The following TTLL1 variants were observed in gnomAD, a reference collection of about 807,000 sequenced individuals.
The protein encoded by TTLL1 is TTL family tubulin polyglutamylase complex subunit L1.
A neutral mutation model predicts 47.8 loss-of-function variants in TTLL1; 33 were observed. That is an observed-to-expected ratio of 0.69 (90% CI 0.52 to 0.92). The LOEUF (loss-of-function observed/expected upper bound fraction) is 0.92, where lower values mean the gene tolerates loss of function less well. TTLL1 is among the 40% of genes least tolerant of loss of function. The pLI, the probability that TTLL1 is intolerant of heterozygous loss-of-function variation, is 0.00. For synonymous variants in TTLL1, 225 were observed against 214.1 expected, an observed-to-expected ratio of 1.05 and a Z score of -0.45; for missense variants, 488 against 547.5, an observed-to-expected ratio of 0.89 and a Z score of 1.08.
rs149995451 is a variant in TTLL1, at chr22:43,065,022, G to A, written c.504-698C>T. ...TAGCCAGGCATGGGGGCGGGTGCCT[G>A]TAATTCCAGCTACTCCAGAGGCTGA... On this transcript the variant is annotated intron_variant, in intron 5 of 10. Coordinates refer to ENST00000266254, the MANE Select transcript of TTLL1 (RefSeq NM_012263.5). 9.4e-4 allele frequency among the ~76,000 whole-genome samples: 143 copies of A among 152,040 alleles called. 1 individual carries two copies. Among genetic ancestry groups the A allele is most frequent in the African/African-American group, 3.4e-3 (140 of 41,510 alleles).
chr22:43,069,043 T>C (rs949353321), intron 4 of TTLL1, among the ~76,000 whole-genome samples: 3 of 151,760 alleles, frequency 2.0e-5, no homozygotes, highest in Non-Finnish European at 4.4e-5. Flanking sequence ...CAAGAAGTAT[T>C]TCCCCAGGCT....
At chr22:43,068,204 C>G (rs1368836819) in intron 5 of TTLL1, among the ~76,000 whole-genome samples, 1 of 151,574 alleles carries the variant, frequency 6.6e-6, no homozygotes, top group Admixed American at 6.6e-5. Context: ...GTAATCCCAA[C>G]TACTCGGGAG....
chr22:43,081,689 A>G (rs1465222070), intron 1 of TTLL1, among the ~76,000 whole-genome samples: 1 of 151,164 alleles, frequency 6.6e-6, no homozygotes, highest in South Asian at 2.1e-4. Flanking sequence ...CTGGGACTAC[A>G]GGCGCCTGCC....
At chr22:43,040,500 C>T (rs752765461) in intron 10 of TTLL1, among the ~76,000 whole-genome samples, 6 of 152,132 alleles carry the variant, frequency 3.9e-5, no homozygotes, top group Non-Finnish European at 7.4e-5. Context: ...GGCTGGTATA[C>T]AGTGGCGCAA....
chr22:43,061,497 A>C (rs914000991), intron 7 of TTLL1, among the ~76,000 whole-genome samples: 1 of 152,254 alleles, frequency 6.6e-6, no homozygotes, highest in Admixed American at 6.5e-5. Context: ...TCAGAAATGC[A>C]TATTTCATAC....
intron 3 of TTLL1, 131 bp downstream of exon 3, chr22:43,075,343 A>G (rs1285860591): frequency 5.2e-6 from 4 of 772,884 alleles, no homozygotes; most frequent in Non-Finnish European, 8.8e-6. Flanking sequence ...CCTTAAGGAA[A>G]AATGTGTGCG....
intron 1 of TTLL1, among the ~76,000 whole-genome samples, chr22:43,087,615 A>G (rs1929311032): frequency 6.6e-6 from 1 of 151,682 alleles, no homozygotes; most frequent in East Asian, 1.9e-4. Context: ...AGGTGGGTAG[A>G]TCACCTGAGG....
intron 3 of TTLL1, among the ~76,000 whole-genome samples, chr22:43,070,500 C>T (rs1438154705): frequency 6.6e-6 from 1 of 152,176 alleles, no homozygotes; most frequent in Non-Finnish European, 1.5e-5. Context: ...TGGCCCCAGC[C>T]TCTTGCACTG....
chr22:43,051,597 C>T (rs576099240), intron 9 of TTLL1, among the ~76,000 whole-genome samples: 4 of 152,020 alleles, frequency 2.6e-5, no homozygotes, highest in Non-Finnish European at 5.9e-5. Flanking sequence ...AGCTCCCTGT[C>T]GTGGGCTGGG....
chr22:43,081,056 C>T (rs907542890), intron 1 of TTLL1, among the ~76,000 whole-genome samples: 1 of 151,590 alleles, frequency 6.6e-6, no homozygotes, highest in African/African-American at 2.4e-5. Flanking sequence ...GCTGGGATTA[C>T]AGGAGCCCAT....
chr22:43,062,567 C>T (rs946406347), intron 7 of TTLL1, among the ~76,000 whole-genome samples: 5 of 151,746 alleles, frequency 3.3e-5, no homozygotes, highest in African/African-American at 1.2e-4. Flanking sequence ...CAGTGGCACA[C>T]GCCTGTAATC....
intron 10 of TTLL1, among the ~76,000 whole-genome samples, chr22:43,041,676 G>A (rs533601471): frequency 4.0e-5 from 6 of 151,300 alleles, no homozygotes; most frequent in Non-Finnish European, 8.8e-5. Flanking sequence ...CACCACGCCC[G>A]GCTAACTTTT....
chr22:43,059,582 C>T (rs542191119), intron 7 of TTLL1, 55 bp from the exon 8 acceptor site: 5 of 1,551,308 alleles, frequency 3.2e-6, no homozygotes, highest in Non-Finnish European at 4.4e-6. Flanking sequence ...CAGAGGAACC[C>T]AGCGGAACCG....
intron 2 of TTLL1, among the ~76,000 whole-genome samples, chr22:43,078,631 T>C (rs1009494255): frequency 1.3e-5 from 2 of 152,028 alleles, no homozygotes; most frequent in Non-Finnish European, 2.9e-5. Context: ...AGCCCATCAC[T>C]TCCCTCTGTG....
chr22:43,066,248 G>A (rs1452651654), intron 5 of TTLL1, among the ~76,000 whole-genome samples: 3 of 151,972 alleles, frequency 2.0e-5, no homozygotes, highest in East Asian at 1.9e-4. Context: ...CTGGCAACAC[G>A]CTCCCGGCCT....
intron 9 of TTLL1, among the ~76,000 whole-genome samples, chr22:43,051,390 C>T (rs556404999): frequency 4.6e-5 from 7 of 152,324 alleles, no homozygotes; most frequent in African/African-American, 1.7e-4. Flanking sequence ...AGAGCAGGGG[C>T]GTTCCTTCCC....
At chr22:43,051,991 C>A (rs1926665959) in intron 8 of TTLL1, 104 bp from the exon 9 acceptor site, 3 of 1,025,238 alleles carry the variant, frequency 2.9e-6, no homozygotes, top group South Asian at 1.3e-5. Flanking sequence ...CGACCTCCCA[C>A]AGCACAGGTT....
chr22:43,050,427 AAAAAAG>A (rs199787862), intron 9 of TTLL1, among the ~76,000 whole-genome samples: 21 of 148,540 alleles, frequency 1.4e-4, no homozygotes, highest in African/African-American at 4.1e-4. Context: ...AAAACAAAAA[AAAAAAG>A]AAAAGAAAAG....
chr22:43,039,794 G>T lies in TTLL1; in HGVS notation c.1254C>A (p.Val418=). The T allele has an allele frequency of 6.2e-7, 1 of 1,613,106 alleles. No homozygotes were observed. Among genetic ancestry groups the T allele is most frequent in the Non-Finnish European group, 8.5e-7 (1 of 1,179,382 alleles). ...GTGGGACTCACTTCCAGGTGGTGAGGACCGCTCTCCCCGAGTCTCTCGATC... is the reference window on the plus strand; with the variant it reads ...GTGGGACTCACTTCCAGGTGGTGAGTACCGCTCTCCCCGAGTCTCTCGATC... The part of the protein sequence containing the change: ...AGRSRDSGRA[V]LTTWK The change falls in exon 11 of 11, where the codon GTC becomes GTA. Residue 418 remains valine (V), a synonymous_variant. Transcript: ENST00000266254.
Sources: allele counts gnomAD v4.1 joint callset (sites outside exome capture counted in the v4.1 genomes callset), GRCh38; gene constraint gnomAD v4.1.1; transcripts MANE v1.5; gene names NCBI Gene and HGNC (gene_info 2026-07-23, HGNC 2026-07-21).